The following THSD7B variants were observed in gnomAD, a reference collection of about 807,000 sequenced individuals.
The protein encoded by THSD7B is thrombospondin type-1 domain-containing protein 7B.
A neutral mutation model predicts 213.6 loss-of-function variants in THSD7B; 138 were observed. That is an observed-to-expected ratio of 0.65 (90% CI 0.56 to 0.74). THSD7B has a LOEUF of 0.74. THSD7B is among the 30% of genes least tolerant of loss of function. The probability of loss-of-function intolerance (pLI) is 0.00; values close to 1 mark genes in which losing one functional copy is unlikely to be tolerated. For missense variants in THSD7B, 1,931 were observed against 1,991.5 expected (o/e 0.97, Z 0.58); for synonymous variants, 742 against 687.0 (o/e 1.08, Z -1.25).
Position 136,872,319 on chromosome 2 carries a change from A to G in THSD7B, c.-35-9825A>G, listed in dbSNP as rs117186303. On this transcript the variant is annotated intron_variant, in intron 1 of 27. Transcript: ENST00000409968. ...CCATGGCTTCAAGCAGGCTCTGGCG[A>G]CTCCAGGTGTTGCCTCTGTGATCTA... Among the ~76,000 whole-genome samples, 105 of 134,858 alleles carry G rather than the reference A, an allele frequency of 7.8e-4. 4 individuals are homozygous for G. In the East Asian group the frequency reaches 0.022, roughly 28 times the overall value. The allele number at this position is 134,858 out of a possible 152,430, so 88.5% of individuals were successfully genotyped here. A position where few individuals can be genotyped will look rare whatever the true frequency, so the allele number is the denominator to read the frequency against.
At chr2:137,120,562 T>C (rs986643557) in intron 5 of THSD7B, among the ~76,000 whole-genome samples, 4 of 151,978 alleles carry the variant, frequency 2.6e-5, no homozygotes, top group African/African-American at 9.7e-5. Flanking sequence ...AAGAAACTTA[T>C]TAAGTCAAAC....
At chr2:137,420,517 T>G (rs1267056714) in intron 14 of THSD7B, among the ~76,000 whole-genome samples, 1 of 152,132 alleles carries the variant, frequency 6.6e-6, no homozygotes, top group Non-Finnish European at 1.5e-5. Context: ...AGATATACAT[T>G]CTCGGTCCTA....
intron 14 of THSD7B, among the ~76,000 whole-genome samples, chr2:137,434,901 T>C (rs10192668): frequency 0.063 from 9,626 of 152,252 alleles, 972 homozygotes; most frequent in African/African-American, 0.21. Context: ...ATTTTTTTCT[T>C]CCATTAAGAT....
Position 136,796,905 on chromosome 2 carries a change from A to G in THSD7B, c.-36+31218A>G, listed in dbSNP as rs1490725187. 2.0e-5 allele frequency among the ~76,000 whole-genome samples: 3 copies of G among 151,824 alleles called. No homozygotes were observed. The East Asian group carries it at 5.8e-4, about 30-fold the overall frequency. Reference sequence around the variant, plus strand: ...TATCTGGGACATATATGAAGAAGCCATAAATAAGGTTTGGAAGAGCTTGGG... The same window carrying G: ...TATCTGGGACATATATGAAGAAGCCGTAAATAAGGTTTGGAAGAGCTTGGG... On this transcript the variant is annotated intron_variant, in intron 1 of 27. Transcript: ENST00000409968.
chr2:137,348,383 G>T (rs1684926110), intron 12 of THSD7B, among the ~76,000 whole-genome samples: 1 of 151,650 alleles, frequency 6.6e-6, no homozygotes, highest in South Asian at 2.1e-4. Flanking sequence ...TCTGGTTTTT[G>T]ATTTTCTGAG....
chr2:137,248,949 A>G (rs960702189), intron 10 of THSD7B, among the ~76,000 whole-genome samples: 4 of 152,320 alleles, frequency 2.6e-5, no homozygotes, highest in African/African-American at 9.6e-5. Flanking sequence ...CAGCTCTGAT[A>G]CATGAGTGCA....
intron 14 of THSD7B, among the ~76,000 whole-genome samples, chr2:137,421,504 A>T (rs967659775): frequency 1.5e-4 from 23 of 152,324 alleles, no homozygotes; most frequent in Admixed American, 9.1e-4. Context: ...AAGGATACAG[A>T]TGAAGAGACA....
chr2:137,115,469 T>A (rs1296454467), intron 5 of THSD7B, among the ~76,000 whole-genome samples, 176 bp downstream of exon 5: 1 of 152,184 alleles, frequency 6.6e-6, no homozygotes, highest in African/African-American at 2.4e-5. Context: ...CTTGGGATAG[T>A]TAAAAATAGT....
At chr2:136,953,093 C>A (rs1163049939) in intron 2 of THSD7B, among the ~76,000 whole-genome samples, 1 of 151,858 alleles carries the variant, frequency 6.6e-6, no homozygotes, top group Admixed American at 6.6e-5. Context: ...TGTTATTGAT[C>A]CAATAAAAAG....
At position 137,676,824 on chromosome 2, in the gene THSD7B, T is replaced by G. The variant is rs1191099577; in HGVS notation, c.*219T>G. The G allele has an allele frequency of 5.1e-6, 2 of 395,654 alleles. No individual in the cohort carries two copies. Among genetic ancestry groups the G allele is most frequent in the Non-Finnish European group, 8.6e-6 (2 of 231,494 alleles). 24.5% of individuals were successfully genotyped at this position (395,654 alleles called of 1,614,324 possible). On this transcript the variant is annotated 3_prime_UTR_variant, in exon 28 of 28. Transcript: ENST00000409968. The stretch of plus-strand genomic sequence containing the variant: ...CAAGTTGTTTGTGGGTGTGTTTTAT[T>G]TTTTTGGTTTTCCCAAGGGACCTGA...
intron 2 of THSD7B, among the ~76,000 whole-genome samples, chr2:137,029,956 T>C (rs1686631816): frequency 6.6e-6 from 1 of 152,182 alleles, no homozygotes. Flanking sequence ...ATTCAACTTA[T>C]ATTGGTCATA....
At chr2:137,186,462 G>T (rs1461455690) in intron 7 of THSD7B, among the ~76,000 whole-genome samples, 2 of 150,864 alleles carry the variant, frequency 1.3e-5, no homozygotes, top group Admixed American at 6.6e-5. Flanking sequence ...AGTTATCCCA[G>T]CACCATTTAT....
chr2:137,523,024 T>C (rs1680215777), intron 15 of THSD7B, among the ~76,000 whole-genome samples: 1 of 152,232 alleles, frequency 6.6e-6, no homozygotes, highest in South Asian at 2.1e-4. Flanking sequence ...TTGAAGATTG[T>C]TATTGACGTT....
intron 7 of THSD7B, 72 bp downstream of exon 7, chr2:137,171,010 A>G (rs1030427205): frequency 2.1e-6 from 3 of 1,454,180 alleles, no homozygotes; most frequent in Non-Finnish European, 2.8e-6. Context: ...CCACCCTTCA[A>G]TAGATCATTC....
At chr2:136,802,288 C>T (rs1250394791) in intron 1 of THSD7B, among the ~76,000 whole-genome samples, 2 of 151,996 alleles carry the variant, frequency 1.3e-5, no homozygotes, top group Non-Finnish European at 2.9e-5. Flanking sequence ...TCCCGTGGAT[C>T]CTTGGAGAAT....
At chr2:137,169,193 C>G (rs560632334) in intron 6 of THSD7B, among the ~76,000 whole-genome samples, 4 of 149,626 alleles carry the variant, frequency 2.7e-5, no homozygotes, top group African/African-American at 9.8e-5. Flanking sequence ...ACTCAAAGCA[C>G]TTAAAAATCC....
At position 137,231,189 on chromosome 2, in the gene THSD7B, T is replaced by G. The variant is rs1364666714; in HGVS notation, c.1869T>G (p.Asp623Glu). The G allele has an allele frequency of 6.2e-7, 1 of 1,613,136 alleles. No homozygotes were observed. The highest frequency in any genetic ancestry group is 1.1e-5 in the South Asian group (1 of 90,920). Residue 623 changes from aspartate to glutamate, a missense_variant, in exon 8 of 28, where the codon GAT becomes GAG. By Grantham distance (45) the Asp-to-Glu change is conservative. Coordinates refer to ENST00000409968, the MANE Select transcript of THSD7B (RefSeq NM_001316349.2). ...CSQSCSNKNSDGKQTRSRTIL... is the reference protein window; with the variant it reads ...CSQSCSNKNSEGKQTRSRTIL... ...AGTCCTGTTCAAATAAAAACTCAGA[T>G]GGGAAACAGACCAGGTCAAGAACTA...
At chr2:136,872,101 A>C (rs1683438814) in intron 1 of THSD7B, among the ~76,000 whole-genome samples, 1 of 152,214 alleles carries the variant, frequency 6.6e-6, no homozygotes, top group Non-Finnish European at 1.5e-5. Flanking sequence ...TGACATAGAT[A>C]CTGTGGGACT....
chr2:137,133,379 T>G (rs1286005320), intron 5 of THSD7B, among the ~76,000 whole-genome samples: 1 of 152,186 alleles, frequency 6.6e-6, no homozygotes, highest in Non-Finnish European at 1.5e-5. Flanking sequence ...AACTTCTTTA[T>G]TCAATAAAGT....
Sources: gnomAD v4.1 joint callset for allele counts (sites outside exome capture counted in the v4.1 genomes callset) on GRCh38, gnomAD v4.1.1 for gene constraint, MANE v1.5 for transcripts, NCBI Gene and HGNC (gene_info 2026-07-23, HGNC 2026-07-21) for gene names.